The following FERMT2 variants were observed in gnomAD, a reference collection of about 807,000 sequenced individuals.
FERMT2 encodes the protein fermitin family homolog 2.
FERMT2 carries 15 observed loss-of-function variants against 82.7 expected under a neutral mutation model. The ratio of observed to expected loss-of-function variants is 0.18; its 90% CI spans 0.12 to 0.28. The LOEUF (loss-of-function observed/expected upper bound fraction) is 0.28, where lower values mean the gene tolerates loss of function less well. Ranked by LOEUF, FERMT2 falls within the 10% of genes least tolerant of loss-of-function variation. The pLI is 1.00. For synonymous variants in FERMT2, 274 were observed against 271.5 expected, an observed-to-expected ratio of 1.01 and a Z score of -0.09; for missense variants, 645 against 809.4, an observed-to-expected ratio of 0.80 and a Z score of 2.46.
intron 10 of FERMT2, chr14:52,872,363 C>G (rs1885680284): frequency 6.2e-6 from 1 of 160,202 alleles, no homozygotes; most frequent in South Asian, 1.8e-4. Context: ...CGAGACCAGT[C>G]TGGCCAACAT....
intron 14 of FERMT2, 102 bp downstream of exon 14, chr14:52,859,471 G>C: frequency 9.2e-7 from 1 of 1,081,914 alleles, no homozygotes; most frequent in East Asian, 2.7e-5. Flanking sequence ...TTTAAGAGGT[G>C]GTGGTACAAA....
chr14:52,885,046 C>T (rs1362727123), intron 4 of FERMT2, among the ~76,000 whole-genome samples: 1 of 151,754 alleles, frequency 6.6e-6, no homozygotes, highest in Non-Finnish European at 1.5e-5. Context: ...GGTGCGGTGG[C>T]TCATGCCTGT....
intron 4 of FERMT2, among the ~76,000 whole-genome samples, chr14:52,891,180 C>A (rs369557647): frequency 3.9e-5 from 6 of 152,244 alleles, no homozygotes; most frequent in African/African-American, 1.4e-4. Context: ...CATTTATTCA[C>A]ATCTTGTATT....
At chr14:52,913,755 T>C (rs1445506308) in intron 3 of FERMT2, among the ~76,000 whole-genome samples, 1 of 147,306 alleles carries the variant, frequency 6.8e-6, no homozygotes, top group Non-Finnish European at 1.5e-5. Flanking sequence ...TTTAGGAAGG[T>C]GGAGCAGTGT....
At chr14:52,894,343 A>G (rs992468558) in intron 3 of FERMT2, among the ~76,000 whole-genome samples, 9 of 152,240 alleles carry the variant, frequency 5.9e-5, no homozygotes, top group African/African-American at 2.2e-4. Flanking sequence ...TAAGAAGTCA[A>G]TTCTCCTCAA....
chr14:52,878,870 G>A (rs929901140), intron 6 of FERMT2, among the ~76,000 whole-genome samples, 181 bp from the exon 7 acceptor site: 3 of 152,124 alleles, frequency 2.0e-5, no homozygotes, highest in African/African-American at 7.2e-5. Context: ...GGTCAGACAT[G>A]CCTATATATG....
chr14:52,948,551 G>C (rs1213261673), intron 2 of FERMT2: 2 of 455,528 alleles, frequency 4.4e-6, no homozygotes, highest in East Asian at 6.9e-5. Context: ...CATACGCACA[G>C]CATTTCCTAC....
intron 10 of FERMT2, among the ~76,000 whole-genome samples, chr14:52,865,240 G>C (rs1462251364): frequency 6.6e-6 from 1 of 152,194 alleles, no homozygotes; most frequent in Non-Finnish European, 1.5e-5. Flanking sequence ...AGAATCACTT[G>C]AACCTGTGAG....
chr14:52,927,120 G>C (rs1420011989), intron 2 of FERMT2, among the ~76,000 whole-genome samples: 1 of 152,056 alleles, frequency 6.6e-6, no homozygotes, highest in Non-Finnish European at 1.5e-5. Context: ...AATTCAGAAA[G>C]TGGTCGTACA....
chr14:52,925,873 A>C (rs1295398696), intron 2 of FERMT2, among the ~76,000 whole-genome samples: 1 of 152,068 alleles, frequency 6.6e-6, no homozygotes, highest in Non-Finnish European at 1.5e-5. Context: ...TGAATTCCTG[A>C]CCTCAAGTGA....
At chr14:52,949,338 C>T (rs1316081433) in intron 2 of FERMT2, among the ~76,000 whole-genome samples, 2 of 148,950 alleles carry the variant, frequency 1.3e-5, no homozygotes, top group Admixed American at 1.4e-4. Flanking sequence ...ATAAGCACTT[C>T]TCTACTTTCC....
At chr14:52,933,854 A>AGTG (rs1249090657) in intron 2 of FERMT2, among the ~76,000 whole-genome samples, 90 of 151,878 alleles carry the variant, frequency 5.9e-4, no homozygotes, top group African/African-American at 2.0e-3. Context: ...CTCTTACCAC[A>AGTG]CCCAGATGCA....
At chr14:52,927,058 T>C (rs907910791) in intron 2 of FERMT2, among the ~76,000 whole-genome samples, 11 of 152,248 alleles carry the variant, frequency 7.2e-5, no homozygotes, top group Non-Finnish European at 1.3e-4. Flanking sequence ...TGCTACAACA[T>C]TGACTGAATC....
At chr14:52,902,642 G>A (rs1410363950) in intron 3 of FERMT2, among the ~76,000 whole-genome samples, 1 of 151,632 alleles carries the variant, frequency 6.6e-6, no homozygotes, top group Non-Finnish European at 1.5e-5. Context: ...GCCGAGGCGG[G>A]TGGATTACCC....
At position 52,858,189 on chromosome 14, in the gene FERMT2, TATATC is replaced by T. The variant is rs1192444778; in HGVS notation, c.*183_*187del. The T allele has an allele frequency of 1.1e-5, 6 of 531,104 alleles. No homozygotes were observed. Among genetic ancestry groups the T allele is most frequent in the African/African-American group, 5.7e-5 (3 of 52,870 alleles). 32.9% of individuals were successfully genotyped at this position (531,104 alleles called of 1,614,324 possible). A position where few individuals can be genotyped will look rare whatever the true frequency, so the allele number is the denominator to read the frequency against. ...GAATGTGTGACAAATTCAAGTTTAT[TATATC>T]ATAACATGATAGATTAATAGTCGTG... On this transcript the variant is annotated 3_prime_UTR_variant, in exon 15 of 15. Coordinates refer to ENST00000341590, the MANE Select transcript of FERMT2 (RefSeq NM_006832.3).
intron 2 of FERMT2, among the ~76,000 whole-genome samples, chr14:52,937,635 G>A (rs574630102): frequency 6.6e-6 from 1 of 152,302 alleles, no homozygotes; most frequent in Admixed American, 6.5e-5. Flanking sequence ...CCGGGACTAT[G>A]CCTCACCATA....
chr14:52,898,690 T>A (rs1887441251), intron 3 of FERMT2, among the ~76,000 whole-genome samples: 1 of 151,948 alleles, frequency 6.6e-6, no homozygotes, highest in Non-Finnish European at 1.5e-5. Flanking sequence ...TAAGCAGTTG[T>A]CTACACTGCT....
At chr14:52,937,667 T>C (rs1380995546) in intron 2 of FERMT2, among the ~76,000 whole-genome samples, 1 of 152,230 alleles carries the variant, frequency 6.6e-6, no homozygotes, top group Non-Finnish European at 1.5e-5. Flanking sequence ...TCTCCGTAAA[T>C]GTTTGTTGCT....
At chr14:52,942,419 CA>C (rs1428497266) in intron 2 of FERMT2, among the ~76,000 whole-genome samples, 1 of 151,590 alleles carries the variant, frequency 6.6e-6, no homozygotes, top group Non-Finnish European at 1.5e-5. Context: ...TCTCCAGCCT[CA>C]GCCTCCCGAG....
Sources: allele counts gnomAD v4.1 joint callset (sites outside exome capture counted in the v4.1 genomes callset), GRCh38; gene constraint gnomAD v4.1.1; transcripts MANE v1.5; gene names NCBI Gene and HGNC (gene_info 2026-07-23, HGNC 2026-07-21).